Variants in PLCB4 observed in about 807,000 individuals in gnomAD.
PLCB4 encodes phospholipase C beta 4.
Under a neutral mutation model 178.8 loss-of-function variants are expected in PLCB4, and 77 were observed. The observed-to-expected ratio is 0.43, with a 90% CI of 0.36 to 0.52. The LOEUF (loss-of-function observed/expected upper bound fraction) is 0.52, where lower values mean the gene tolerates loss of function less well. Among genes scored for constraint, PLCB4 ranks in the 20% least tolerant of loss-of-function variants. The pLI, the probability that PLCB4 is intolerant of heterozygous loss-of-function variation, is 0.00. For synonymous variants in PLCB4, 496 were observed against 490.8 expected (o/e 1.01, Z -0.14); for missense variants, 1,024 against 1,453.4 (o/e 0.70, Z 4.80).
At chr20:9,394,778 CT>C (rs1315168570) in intron 18 of PLCB4, among the ~76,000 whole-genome samples, 5 of 152,106 alleles carry the variant, frequency 3.3e-5, no homozygotes, top group African/African-American at 1.2e-4. Context: ...GTTTGTTATG[CT>C]TTCTTTTAGG....
intron 32 of PLCB4, among the ~76,000 whole-genome samples, chr20:9,446,728 A>G (rs191275762): frequency 1.3e-5 from 2 of 152,290 alleles, no homozygotes; most frequent in Admixed American, 6.5e-5. Context: ...TAAAAATACA[A>G]AAGTTAGCCA....
chr20:9,405,336 A>G lies in PLCB4; in HGVS notation c.1635A>G (p.Glu545=). The change falls in exon 21 of 40, where the codon GAA becomes GAG. Residue 545 remains glutamate, a synonymous_variant. Transcript: ENST00000378473. ...AGGCTTCAGATGACCTTGAACATGAAAACAACAAAAAGGTAACAAAATAAT... is the reference window on the plus strand; with the variant it reads ...AGGCTTCAGATGACCTTGAACATGAGAACAACAAAAAGGTAACAAAATAAT... ...VKKASDDLEH[E]NNKKGLVTVE... is the part of the protein sequence containing the mutation. 1 of 1,542,942 alleles carries G rather than the reference A, an allele frequency of 6.5e-7. No homozygotes were observed.
chr20:9,253,438 A>G (rs1021392064), intron 3 of PLCB4, among the ~76,000 whole-genome samples: 2 of 152,034 alleles, frequency 1.3e-5, no homozygotes, highest in African/African-American at 2.4e-5. Flanking sequence ...CTCAGACCCA[A>G]TCTGGAAGGC....
chr20:9,274,876 T>C (rs1402219647), intron 3 of PLCB4, among the ~76,000 whole-genome samples: 1 of 152,054 alleles, frequency 6.6e-6, no homozygotes. Context: ...ATACTAATTA[T>C]TTGGCCCCTT....
chr20:9,401,497 AGAG>A lies in PLCB4; in HGVS notation c.1524_1526del (p.Glu509del), dbSNP rs762581313. 5.0e-6 allele frequency: 8 copies of A among 1,612,374 alleles called. No individual in the cohort carries two copies. ...CATTTGTCTTTCACACAGCTGACCA[AGAG>A]GAGGAAGCTCACCCCGAATTCAAAT... On this transcript the variant is annotated inframe_deletion, in exon 20 of 40. Transcript: ENST00000378473.
chr20:9,221,649 T>G (rs1314973132), intron 3 of PLCB4, among the ~76,000 whole-genome samples: 1 of 152,238 alleles, frequency 6.6e-6, no homozygotes, highest in East Asian at 1.9e-4. Flanking sequence ...AGCTACTGGT[T>G]CAAAGAGCTA....
At position 9,261,988 on chromosome 20, in the gene PLCB4, C is replaced by T. The variant is rs142167386; in HGVS notation, c.-16+44536C>T. 3.3e-5 allele frequency among the ~76,000 whole-genome samples: 5 copies of T among 152,278 alleles called. No individual in the cohort carries two copies. The East Asian group carries it at 9.7e-4, about 29-fold the overall frequency. ...TGTTGTTTACCTTTAACTAATGACTCATTTGGCATAAACCAGCATTATCAA... is the reference window on the plus strand; with the variant it reads ...TGTTGTTTACCTTTAACTAATGACTTATTTGGCATAAACCAGCATTATCAA... On this transcript the variant is annotated intron_variant, in intron 3 of 39. Coordinates refer to ENST00000378473, the MANE Select transcript of PLCB4 (RefSeq NM_001377142.1).
chr20:9,261,512 T>C (rs1448390731), intron 3 of PLCB4, among the ~76,000 whole-genome samples: 1 of 152,206 alleles, frequency 6.6e-6, no homozygotes, highest in African/African-American at 2.4e-5. Flanking sequence ...GCATTGAATG[T>C]TCTTCATAAG....
intron 1 of PLCB4, among the ~76,000 whole-genome samples, chr20:9,094,544 AT>A (rs2090824860): frequency 6.6e-6 from 1 of 152,180 alleles, no homozygotes; most frequent in African/African-American, 2.4e-5. Context: ...ATTATGGAAC[AT>A]TTTGAATATA....
chr20:9,450,174 G>C (rs2042666470), intron 32 of PLCB4, among the ~76,000 whole-genome samples: 1 of 152,128 alleles, frequency 6.6e-6, no homozygotes, highest in Admixed American at 6.5e-5. Flanking sequence ...TGGTACTCTT[G>C]GCTTGAATGA....
chr20:9,397,955 C>T (rs1164456519), intron 19 of PLCB4, among the ~76,000 whole-genome samples: 1 of 152,168 alleles, frequency 6.6e-6, no homozygotes, highest in Admixed American at 6.5e-5. Context: ...GACTGGTTCC[C>T]TTGGGTGGGT....
At chr20:9,368,414 C>G (rs1356484869) in intron 9 of PLCB4, among the ~76,000 whole-genome samples, 2 of 152,208 alleles carry the variant, frequency 1.3e-5, no homozygotes, top group Admixed American at 6.5e-5. Context: ...CTTCCCTCCT[C>G]TCTCGTAACC....
chr20:9,186,587 G>T (rs2093332109), intron 2 of PLCB4, among the ~76,000 whole-genome samples: 1 of 152,156 alleles, frequency 6.6e-6, no homozygotes, highest in South Asian at 2.1e-4. Context: ...TCACTTCTTT[G>T]TCTTTCCTGT....
At chr20:9,285,158 CATATT>C (rs941671051) in intron 3 of PLCB4, among the ~76,000 whole-genome samples, 5 of 150,484 alleles carry the variant, frequency 3.3e-5, no homozygotes, top group African/African-American at 1.2e-4. Flanking sequence ...ACAAAAGTAA[CATATT>C]ATAATAAATG....
rs78225755 is a variant in PLCB4 at position 9,391,397 on chromosome 20, G to A, written c.1323+782G>A. On this transcript the variant is annotated intron_variant, in intron 17 of 39. Coordinates refer to ENST00000378473, the MANE Select transcript of PLCB4 (RefSeq NM_001377142.1). ...CTCCAAGGCAGCTAATGAAATCAAA[G>A]TGGAAAGACCTGCTATTGACAGCAG... Among the ~76,000 whole-genome samples the A allele has an allele frequency of 6.0e-3, 911 of 152,292 alleles. 15 individuals are homozygous for A. Among genetic ancestry groups the A allele is most frequent in the African/African-American group, 0.021 (875 of 41,564 alleles).
At chr20:9,424,042 A>G (rs553732476) in intron 28 of PLCB4, 90 bp downstream of exon 28, 3 of 862,438 alleles carry the variant, frequency 3.5e-6, no homozygotes, top group South Asian at 3.1e-5. Flanking sequence ...TTAAAAAACA[A>G]TAAAAATACT....
At chr20:9,269,709 C>T (rs1045189836) in intron 3 of PLCB4, among the ~76,000 whole-genome samples, 12 of 152,148 alleles carry the variant, frequency 7.9e-5, no homozygotes, top group Non-Finnish European at 1.2e-4. Context: ...AGGTATTTCA[C>T]ACAGGAAAGA....
chr20:9,390,719 T>C, intron 17 of PLCB4, 104 bp downstream of exon 17: 1 of 566,456 alleles, frequency 1.8e-6, no homozygotes, highest in African/African-American at 1.9e-5. Flanking sequence ...GATCTTCATA[T>C]TTATTTAAAT....
chr20:9,438,684 GA>G (rs2041931817), intron 30 of PLCB4, among the ~76,000 whole-genome samples: 1 of 151,558 alleles, frequency 6.6e-6, no homozygotes, highest in Non-Finnish European at 1.5e-5. Context: ...AATGAATGGG[GA>G]AAAAAGAGAA....
Sources: gnomAD v4.1 joint callset for allele counts (sites outside exome capture counted in the v4.1 genomes callset) on GRCh38, gnomAD v4.1.1 for gene constraint, MANE v1.5 for transcripts, NCBI Gene and HGNC (gene_info 2026-07-23, HGNC 2026-07-21) for gene names.